PTPRM: variants seen among roughly 807,000 people sequenced by gnomAD.
PTPRM encodes the protein receptor-type tyrosine-protein phosphatase mu.
PTPRM carries 47 observed loss-of-function variants against 186.7 expected under a neutral mutation model. The observed-to-expected ratio is 0.25, with a 90% confidence interval of 0.20 to 0.32. PTPRM has a LOEUF of 0.32. Among genes scored for constraint, PTPRM ranks in the 10% least tolerant of loss-of-function variants. The probability of loss-of-function intolerance (pLI) is 1.00; values close to 1 mark genes in which losing one functional copy is unlikely to be tolerated. For synonymous variants in PTPRM, 668 were observed against 674.9 expected (o/e 0.99, Z 0.16); for missense variants, 1,494 against 1,865.0 (o/e 0.80, Z 3.66).
chr18:7,986,112 A>G lies in PTPRM; in HGVS notation c.1132+30698A>G, dbSNP rs77790094. 7.4e-4 allele frequency among the ~76,000 whole-genome samples: 113 copies of G among 152,328 alleles called. 1 individual carries two copies. The East Asian group carries it at 0.02, about 27-fold the overall frequency. ...TGTCTAAGGCCCAATGCTCAAATAG[A>G]TGGACTAAAAACATTTTAGAAAAAT... On this transcript the variant is annotated intron_variant, in intron 7 of 32. Coordinates refer to ENST00000580170, the MANE Select transcript of PTPRM (RefSeq NM_001105244.2).
At chr18:7,832,927 G>C (rs149258122) in intron 2 of PTPRM, among the ~76,000 whole-genome samples, 2 of 152,204 alleles carry the variant, frequency 1.3e-5, no homozygotes, top group South Asian at 4.1e-4. Context: ...TGAGTATACT[G>C]TAGGTCTGTG....
intron 1 of PTPRM, among the ~76,000 whole-genome samples, chr18:7,685,847 T>G (rs1455109354): frequency 6.6e-6 from 1 of 152,200 alleles, no homozygotes; most frequent in African/African-American, 2.4e-5. Flanking sequence ...ATCCATTACT[T>G]TATCATAGAG....
intron 1 of PTPRM, among the ~76,000 whole-genome samples, chr18:7,576,615 A>G (rs2143424195): frequency 6.6e-6 from 1 of 152,270 alleles, no homozygotes; most frequent in Admixed American, 6.5e-5. Context: ...AGCTGGGTCC[A>G]TAGGCACAAG....
chr18:7,939,748 G>T (rs751688265), intron 5 of PTPRM, among the ~76,000 whole-genome samples: 2 of 152,132 alleles, frequency 1.3e-5, no homozygotes, highest in Non-Finnish European at 2.9e-5. Context: ...CTGTGTCCTA[G>T]GCTGTCTCTC....
At chr18:7,658,935 A>G (rs2038916476) in intron 1 of PTPRM, among the ~76,000 whole-genome samples, 1 of 152,098 alleles carries the variant, frequency 6.6e-6, no homozygotes, top group South Asian at 2.1e-4. Context: ...CTTTTAGCTC[A>G]CCAACCTTGC....
chr18:8,321,367 C>G (rs561403257), intron 22 of PTPRM, among the ~76,000 whole-genome samples: 1 of 152,206 alleles, frequency 6.6e-6, no homozygotes, highest in South Asian at 2.1e-4. Flanking sequence ...CTGAAACTGC[C>G]AAGTCTAGAC....
chr18:7,852,527 A>G lies in PTPRM; in HGVS notation c.197-35579A>G, dbSNP rs377185351. On this transcript the variant is annotated intron_variant, in intron 2 of 32. Coordinates refer to ENST00000580170, the MANE Select transcript of PTPRM (RefSeq NM_001105244.2). ...ACGGTGAAACCACATCTCTACTAAA[A>G]ATACAAAAAAATTAGCTGGGCATAG... Among the ~76,000 whole-genome samples the G allele has an allele frequency of 4.6e-5, 7 of 152,126 alleles. 1 individual carries two copies. The East Asian group carries it at 1.4e-3, about 29-fold the overall frequency.
At chr18:7,720,752 T>G (rs2040431388) in intron 1 of PTPRM, among the ~76,000 whole-genome samples, 1 of 152,184 alleles carries the variant, frequency 6.6e-6, no homozygotes, top group Non-Finnish European at 1.5e-5. Context: ...GTGACTGGCT[T>G]ATTTCACTTA....
Position 7,736,894 on chromosome 18 carries a change from T to A in PTPRM, c.74-37255T>A, listed in dbSNP as rs537208372. On this transcript the variant is annotated intron_variant, in intron 1 of 32. Coordinates refer to ENST00000580170, the MANE Select transcript of PTPRM (RefSeq NM_001105244.2). ...GTTTTTTCTTAAAACAGGTACTGAGTATAAAACAATATAAAATAATATGAG... is the reference window on the plus strand; with the variant it reads ...GTTTTTTCTTAAAACAGGTACTGAGAATAAAACAATATAAAATAATATGAG... 1.6e-4 allele frequency among the ~76,000 whole-genome samples: 25 copies of A among 152,286 alleles called. No individual in the cohort carries two copies. The South Asian group carries it at 3.9e-3, about 24-fold the overall frequency.
At chr18:7,571,605 C>G (rs1385853565) in intron 1 of PTPRM, among the ~76,000 whole-genome samples, 1 of 152,156 alleles carries the variant, frequency 6.6e-6, no homozygotes, top group Non-Finnish European at 1.5e-5. Context: ...TTTGTTTCAG[C>G]TACAGTGGTA....
intron 3 of PTPRM, among the ~76,000 whole-genome samples, chr18:7,895,608 G>A (rs559818918): frequency 4.6e-5 from 7 of 152,278 alleles, no homozygotes; most frequent in East Asian, 1.9e-4. Context: ...TTCAGGGACC[G>A]CTGTGTTGGG....
chr18:8,106,194 G>A (rs569751611), intron 11 of PTPRM, among the ~76,000 whole-genome samples: 1 of 152,184 alleles, frequency 6.6e-6, no homozygotes, highest in South Asian at 2.1e-4. Context: ...GGGCATACCT[G>A]CTGGGACCTG....
At chr18:8,300,757 C>T (rs1485663011) in intron 20 of PTPRM, among the ~76,000 whole-genome samples, 1 of 152,152 alleles carries the variant, frequency 6.6e-6, no homozygotes, top group Admixed American at 6.5e-5. Flanking sequence ...TGTTTCTTTA[C>T]TGGGTTGTGT....
intron 22 of PTPRM, among the ~76,000 whole-genome samples, chr18:8,334,156 G>A (rs1038927972): frequency 6.6e-6 from 1 of 152,228 alleles, no homozygotes; most frequent in African/African-American, 2.4e-5. Context: ...CTGGCAGGGA[G>A]CCATCTAGTT....
chr18:8,353,403 G>C (rs981619849), intron 23 of PTPRM, among the ~76,000 whole-genome samples: 1 of 152,176 alleles, frequency 6.6e-6, no homozygotes, highest in African/African-American at 2.4e-5. Flanking sequence ...GCTGAGAAAG[G>C]CTATGGAAGA....
intron 7 of PTPRM, among the ~76,000 whole-genome samples, chr18:8,020,479 C>A (rs1349804349): frequency 2.0e-5 from 3 of 152,170 alleles, no homozygotes; most frequent in Non-Finnish European, 4.4e-5. Context: ...TTCTGTAATG[C>A]TCCAAATTGT....
At chr18:7,584,762 A>G (rs2036933440) in intron 1 of PTPRM, among the ~76,000 whole-genome samples, 1 of 152,240 alleles carries the variant, frequency 6.6e-6, no homozygotes, top group African/African-American at 2.4e-5. Flanking sequence ...TACAATGCTT[A>G]CCTAGCACTG....
intron 14 of PTPRM, among the ~76,000 whole-genome samples, chr18:8,162,504 A>G (rs1318409755): frequency 2.0e-5 from 3 of 152,158 alleles, no homozygotes; most frequent in Non-Finnish European, 4.4e-5. Flanking sequence ...GGCTGTGCCC[A>G]CTTCTGCAGA....
chr18:8,333,092 T>TA lies in PTPRM; in HGVS notation c.2957-10329dup, dbSNP rs1568766186. Among the ~76,000 whole-genome samples the TA allele has an allele frequency of 2.6e-5, 4 of 152,370 alleles. No individual in the cohort carries two copies. The South Asian group carries it at 8.3e-4, about 32-fold the overall frequency. The stretch of plus-strand genomic sequence containing the variant: ...GAACAATTCTCAGTGTGTTTGCTTG[T>TA]AATTCATTAGTTGATTTCCATTGTT... On this transcript the variant is annotated intron_variant, in intron 22 of 32. Transcript: ENST00000580170.
Sources: allele counts gnomAD v4.1 joint callset (sites outside exome capture counted in the v4.1 genomes callset), GRCh38; gene constraint gnomAD v4.1.1; transcripts MANE v1.5; gene names NCBI Gene and HGNC (gene_info 2026-07-23, HGNC 2026-07-21).